Variants in PLEKHG1 observed in about 807,000 individuals in gnomAD.
PLEKHG1 encodes pleckstrin homology domain-containing family G member 1.
In PLEKHG1, 44 loss-of-function variants were observed where a neutral mutation model predicts 100.8. The observed-to-expected ratio is 0.44, with a 90% CI of 0.34 to 0.56. The LOEUF (loss-of-function observed/expected upper bound fraction) is 0.56, where lower values mean the gene tolerates loss of function less well. Among genes scored for constraint, PLEKHG1 ranks in the 20% least tolerant of loss-of-function variants. The pLI is 0.01. For missense variants in PLEKHG1, 1,545 were observed against 1,720.9 expected, an observed-to-expected ratio of 0.90 and a Z score of 1.81; for synonymous variants, 640 against 662.5, an observed-to-expected ratio of 0.97 and a Z score of 0.52.
intron 3 of PLEKHG1, among the ~76,000 whole-genome samples, chr6:150,652,686 C>T (rs1479314645): frequency 6.6e-6 from 1 of 150,454 alleles, no homozygotes; most frequent in East Asian, 1.9e-4. Flanking sequence ...CACCATTGCA[C>T]TCCAGCCTGG....
upstream of PLEKHG1, among the ~76,000 whole-genome samples, chr6:150,717,701 A>G (rs1781495499): frequency 6.6e-6 from 1 of 152,224 alleles, no homozygotes; most frequent in Non-Finnish European, 1.5e-5. Context: ...GGAGTAAACA[A>G]AGCTGCTTTC....
intron 15 of PLEKHG1, 102 bp from the exon 17 acceptor site, chr6:150,839,731 A>G (rs1777413478): frequency 1.3e-6 from 1 of 782,182 alleles, no homozygotes; most frequent in Non-Finnish European, 2.1e-6. Flanking sequence ...TCTACTGTCA[A>G]AATTTTAAAA....
intron 7 of PLEKHG1, 79 bp from the exon 9 acceptor site, chr6:150,809,026 G>A: frequency 1.6e-6 from 2 of 1,252,482 alleles, no homozygotes; most frequent in South Asian, 1.3e-5. Flanking sequence ...CCATTCTTGA[G>A]GCTCAACAGA....
chr6:150,694,708 A>AAT (rs1780479879), intron 3 of PLEKHG1, among the ~76,000 whole-genome samples: 1 of 151,558 alleles, frequency 6.6e-6, no homozygotes, highest in African/African-American at 2.4e-5. Context: ...AAAAAAAAAA[A>AAT]AAATAAAAAT....
At chr6:150,641,613 C>A (rs1778261361) in intron 2 of PLEKHG1, among the ~76,000 whole-genome samples, 2 of 151,906 alleles carry the variant, frequency 1.3e-5, no homozygotes. Context: ...TTAGCAAAAC[C>A]AAAGATTTCC....
At chr6:150,743,282 C>T (rs1782979588) in intron 2 of PLEKHG1, among the ~76,000 whole-genome samples, 1 of 152,076 alleles carries the variant, frequency 6.6e-6, no homozygotes, top group South Asian at 2.1e-4. Context: ...CACTTTGGGA[C>T]AGCCAAGGCA....
At chr6:150,726,801 A>C (rs6557093) in intron 1 of PLEKHG1, among the ~76,000 whole-genome samples, 118,330 of 152,102 alleles carry the variant, frequency 0.78, 46,474 homozygotes, top group Non-Finnish European at 0.83. Flanking sequence ...AACAGGAATC[A>C]AGTTGATAGT....
chr6:150,716,089 CAG>C (rs1303134451), upstream of PLEKHG1, among the ~76,000 whole-genome samples: 36 of 122,732 alleles, frequency 2.9e-4, no homozygotes, highest in Non-Finnish European at 4.5e-4. Flanking sequence ...GCCTGGGCGA[CAG>C]AGCGAGACTC....
At chr6:150,625,391 G>T (rs189452133) in intron 1 of PLEKHG1, among the ~76,000 whole-genome samples, 1 of 152,222 alleles carries the variant, frequency 6.6e-6, no homozygotes, top group African/African-American at 2.4e-5. Flanking sequence ...TTACATGGTG[G>T]TCCCTCTGTG....
intron 3 of PLEKHG1, among the ~76,000 whole-genome samples, chr6:150,674,079 A>C (rs1007934001): frequency 6.6e-6 from 1 of 152,204 alleles, no homozygotes; most frequent in African/African-American, 2.4e-5. Flanking sequence ...GGAAAAAAAG[A>C]ATCTTTGAAT....
At chr6:150,649,590 GA>G (rs1396157587) in intron 2 of PLEKHG1, among the ~76,000 whole-genome samples, 1 of 152,214 alleles carries the variant, frequency 6.6e-6, no homozygotes, top group African/African-American at 2.4e-5. Flanking sequence ...TAAAAACAGT[GA>G]CCAGGCTGGA....
chr6:150,654,459 A>G (rs1582891595), intron 3 of PLEKHG1, among the ~76,000 whole-genome samples: 2 of 152,146 alleles, frequency 1.3e-5, no homozygotes, highest in African/African-American at 4.8e-5. Context: ...TTCCATCCCC[A>G]TCTGACTGAG....
intron 1 of PLEKHG1, among the ~76,000 whole-genome samples, chr6:150,606,584 A>AC (rs1256079078): frequency 2.0e-5 from 3 of 151,758 alleles, no homozygotes; most frequent in Non-Finnish European, 4.4e-5. Flanking sequence ...TTTTCTGACC[A>AC]CCCTCTAAAC....
upstream of PLEKHG1, among the ~76,000 whole-genome samples, chr6:150,717,591 G>A (rs564042838): frequency 1.3e-5 from 2 of 152,266 alleles, no homozygotes; most frequent in South Asian, 2.1e-4. Context: ...CTATAGTTAC[G>A]TCCTGTGGGT....
At chr6:150,779,803 A>G (rs559711710) in intron 3 of PLEKHG1, among the ~76,000 whole-genome samples, 78 of 151,760 alleles carry the variant, frequency 5.1e-4, no homozygotes, top group African/African-American at 1.8e-3. Context: ...TGTCTCTACT[A>G]AAAATACAAA....
At chr6:150,801,902 G>A (rs1786738680) in intron 6 of PLEKHG1, among the ~76,000 whole-genome samples, 2 of 152,186 alleles carry the variant, frequency 1.3e-5, no homozygotes, top group Admixed American at 1.3e-4. Context: ...AAGACTGCCT[G>A]GGTCTAAATC....
At chr6:150,716,888 G>A, upstream of PLEKHG1, among the ~76,000 whole-genome samples, 1 of 152,142 alleles carries the variant, frequency 6.6e-6, no homozygotes, top group East Asian at 1.9e-4. Context: ...CTCTTGCTCT[G>A]TCACCCAGGC....
chr6:150,678,752 GA>G (rs565170353), intron 3 of PLEKHG1, among the ~76,000 whole-genome samples: 225 of 152,340 alleles, frequency 1.5e-3, no homozygotes, highest in African/African-American at 5.0e-3. Context: ...CTTTGCTAAA[GA>G]TGGTTATTTC....
intron 2 of PLEKHG1, among the ~76,000 whole-genome samples, chr6:150,764,742 A>G (rs1384519509): frequency 6.7e-6 from 1 of 150,320 alleles, no homozygotes; most frequent in African/African-American, 2.5e-5. Flanking sequence ...CTGTGTTGAA[A>G]CTCCATCCTT....
Sources: gnomAD v4.1 joint callset for allele counts (sites outside exome capture counted in the v4.1 genomes callset) on GRCh38, gnomAD v4.1.1 for gene constraint, MANE v1.5 for transcripts, NCBI Gene and HGNC (gene_info 2026-07-23, HGNC 2026-07-21) for gene names.